Variants in UBE2D2 observed in about 807,000 individuals in gnomAD.
UBE2D2 encodes the protein ubiquitin-conjugating enzyme E2 D2.
In UBE2D2, 2 loss-of-function variants were observed where a neutral mutation model predicts 24.2. The ratio of observed to expected loss-of-function variants is 0.08; its 90% CI spans 0.03 to 0.26. The LOEUF is 0.26. Among genes scored for constraint, UBE2D2 ranks in the 10% least tolerant of loss-of-function variants. The probability of loss-of-function intolerance (pLI) is 1.00; values close to 1 mark genes in which losing one functional copy is unlikely to be tolerated. For missense variants in UBE2D2, 44 were observed against 177.6 expected (o/e 0.25, Z 4.28); for synonymous variants, 58 against 56.5 (o/e 1.03, Z -0.12).
intron 1 of UBE2D2, among the ~76,000 whole-genome samples, chr5:139,539,816 C>G (rs1446737734): frequency 6.6e-6 from 1 of 152,020 alleles, no homozygotes; most frequent in Admixed American, 6.6e-5. Context: ...AGGCTGGTCT[C>G]AAACTCCTGA....
intron 1 of UBE2D2, among the ~76,000 whole-genome samples, chr5:139,534,917 T>C (rs1227431523): frequency 1.3e-5 from 2 of 151,692 alleles, no homozygotes; most frequent in Non-Finnish European, 2.9e-5. Flanking sequence ...GGCTAGAGGA[T>C]TGCTTGAGCT....
chr5:139,562,748 C>T (rs891631983), intron 1 of UBE2D2, among the ~76,000 whole-genome samples: 1 of 152,022 alleles, frequency 6.6e-6, no homozygotes, highest in Non-Finnish European at 1.5e-5. Context: ...GGAGGTTTTC[C>T]TAATAATACA....
intron 1 of UBE2D2, among the ~76,000 whole-genome samples, chr5:139,592,650 T>C (rs1274520868): frequency 6.7e-6 from 1 of 150,104 alleles, no homozygotes; most frequent in Non-Finnish European, 1.5e-5. Flanking sequence ...TTGCCCAGAT[T>C]GGAGTGCAGT....
intron 2 of UBE2D2, among the ~76,000 whole-genome samples, chr5:139,600,927 C>T (rs1032564962): frequency 6.6e-6 from 1 of 152,120 alleles, no homozygotes; most frequent in African/African-American, 2.4e-5. Context: ...CTCAGCCTCT[C>T]GAGTATCTGG....
At chr5:139,535,237 G>C (rs991171677) in intron 1 of UBE2D2, among the ~76,000 whole-genome samples, 1 of 149,978 alleles carries the variant, frequency 6.7e-6, no homozygotes, top group Non-Finnish European at 1.5e-5. Flanking sequence ...ACGAGGTCAG[G>C]AGTTCAAGAC....
chr5:139,595,775 A>G (rs1022847600), intron 1 of UBE2D2, among the ~76,000 whole-genome samples: 1 of 152,102 alleles, frequency 6.6e-6, no homozygotes, highest in Non-Finnish European at 1.5e-5. Context: ...CACTTTTATA[A>G]AATTCAAAAT....
chr5:139,581,545 A>G (rs1753603048), intron 1 of UBE2D2, among the ~76,000 whole-genome samples: 1 of 151,708 alleles, frequency 6.6e-6, no homozygotes, highest in African/African-American at 2.4e-5. Flanking sequence ...GAATATTTGC[A>G]TATACATAAT....
At position 139,608,621 on chromosome 5, in the gene UBE2D2, C is replaced by A. The variant is rs376374547; in HGVS notation, c.89-5965C>A. ...AAAAAAAAAGAAGAAGAAGGGTATT[C>A]TTTCCATAATTATAAACATTGGCAG... On this transcript the variant is annotated intron_variant, in intron 2 of 6. Coordinates refer to ENST00000398733, the MANE Select transcript of UBE2D2 (RefSeq NM_003339.3). 4.3e-4 allele frequency among the ~76,000 whole-genome samples: 65 copies of A among 152,038 alleles called. 1 individual carries two copies. The East Asian group carries it at 0.012, about 28-fold the overall frequency.
chr5:139,546,104 C>T (rs1006371840), intron 1 of UBE2D2, among the ~76,000 whole-genome samples: 2 of 151,704 alleles, frequency 1.3e-5, no homozygotes, highest in East Asian at 1.9e-4. Flanking sequence ...AGTGCAATGG[C>T]GTGATCTTGG....
chr5:139,528,692 G>T (rs1294311078), intron 1 of UBE2D2, among the ~76,000 whole-genome samples: 2 of 152,156 alleles, frequency 1.3e-5, no homozygotes, highest in African/African-American at 4.8e-5. Flanking sequence ...AGATACCAAA[G>T]CTTGCTCTGT....
chr5:139,622,909 A>T (rs1465706536), intron 5 of UBE2D2, among the ~76,000 whole-genome samples: 1 of 151,064 alleles, frequency 6.6e-6, no homozygotes, highest in Non-Finnish European at 1.5e-5. Flanking sequence ...AATAAAAAAT[A>T]AAAAAAACTA....
rs369508766 is a variant in UBE2D2, at chr5:139,541,326, G to A, written c.-64+14714G>A. On this transcript the variant is annotated intron_variant, in intron 1 of 6. Coordinates refer to the UBE2D2 transcript ENST00000511725. ...GAAAAAAAAAAAGCGGGGGGACCGG[G>A]CATGGTGGCTCACGCTTATAATCCC... Among the ~76,000 whole-genome samples, 9 of 150,348 alleles carry A rather than the reference G, an allele frequency of 6.0e-5. No individual in the cohort carries two copies. In the South Asian group the frequency reaches 1.9e-3, roughly 32 times the overall value.
At chr5:139,536,512 C>T (rs1008668180) in intron 1 of UBE2D2, among the ~76,000 whole-genome samples, 3 of 152,152 alleles carry the variant, frequency 2.0e-5, no homozygotes, top group Admixed American at 6.6e-5. Context: ...TACAGGCACA[C>T]GTGACCAAAC....
intron 1 of UBE2D2, among the ~76,000 whole-genome samples, chr5:139,598,451 A>G (rs1163224712): frequency 6.6e-6 from 1 of 151,946 alleles, no homozygotes; most frequent in Non-Finnish European, 1.5e-5. Context: ...CTCACCCAAT[A>G]ACAAGTCTCA....
intron 1 of UBE2D2, among the ~76,000 whole-genome samples, chr5:139,584,938 T>A (rs1414700219): frequency 6.6e-6 from 1 of 151,532 alleles, no homozygotes; most frequent in Non-Finnish European, 1.5e-5. Flanking sequence ...TTCGCTCTTG[T>A]TGCCCAGGCT....
chr5:139,565,477 C>T (rs188920467), intron 1 of UBE2D2, among the ~76,000 whole-genome samples: 362 of 152,284 alleles, frequency 2.4e-3, no homozygotes, highest in African/African-American at 8.1e-3. Context: ...TTTCTGCTGA[C>T]TTTTTAGGTC....
At chr5:139,602,382 A>G (rs1581522527) in intron 2 of UBE2D2, among the ~76,000 whole-genome samples, 2 of 152,142 alleles carry the variant, frequency 1.3e-5, no homozygotes, top group African/African-American at 4.8e-5. Flanking sequence ...TTTTCTTAAT[A>G]ATGTTGTGTC....
intron 6 of UBE2D2, chr5:139,623,701 T>G: frequency 3.1e-6 from 1 of 327,838 alleles, no homozygotes; most frequent in East Asian, 4.9e-5. Flanking sequence ...TTTTTGTTTG[T>G]TTTTTTTTGA....
chr5:139,593,612 T>C (rs564317722), intron 1 of UBE2D2, among the ~76,000 whole-genome samples: 4 of 152,186 alleles, frequency 2.6e-5, no homozygotes, highest in East Asian at 1.9e-4. Context: ...TTAAAAGATA[T>C]ATTAAAATAT....
Sources: allele counts gnomAD v4.1 joint callset (sites outside exome capture counted in the v4.1 genomes callset), GRCh38; gene constraint gnomAD v4.1.1; transcripts MANE v1.5; gene names NCBI Gene and HGNC (gene_info 2026-07-23, HGNC 2026-07-21).